The following HOXD11 variants were observed in gnomAD, a reference collection of about 807,000 sequenced individuals.
HOXD11 encodes the protein homeobox protein Hox-D11.
Under a neutral mutation model 23.1 loss-of-function variants are expected in HOXD11, and 16 were observed. That is an observed-to-expected ratio of 0.69 (90% confidence interval 0.47 to 1.05). The LOEUF (loss-of-function observed/expected upper bound fraction) is 1.05, where lower values mean the gene tolerates loss of function less well. Ranked by LOEUF, HOXD11 falls within the 50% of genes least tolerant of loss-of-function variation. The pLI is 0.00. For missense variants in HOXD11, 564 were observed against 495.6 expected, an observed-to-expected ratio of 1.14 and a Z score of -1.31; for synonymous variants, 262 against 224.4, an observed-to-expected ratio of 1.17 and a Z score of -1.50.
downstream of HOXD11, among the ~76,000 whole-genome samples, chr2:176,110,509 C>A (rs537027798): frequency 3.9e-5 from 6 of 152,258 alleles, no homozygotes; most frequent in African/African-American, 1.2e-4. Flanking sequence ...ATGCACAGTA[C>A]CCCATGCATC....
rs762165997 is a variant in HOXD11 at position 176,107,530 on chromosome 2, C to T, written c.175C>T (p.Arg59Cys). The change falls in exon 1 of 2, where the codon CGC (arginine) becomes TGC (cysteine). Residue 59 changes from arginine (R) to cysteine (C), a missense_variant. Physicochemically the swap from Arg to Cys is radical, Grantham distance 180. Transcript: ENST00000249504. ...CCTGGCTCCGCACGTCCAGCCCGTG[C>T]GCGAAGTGGCCTTCCGCGACTACGG... Reference protein sequence around the residue: ...SNLAPHVQPVREVAFRDYGLE... With the variant: ...SNLAPHVQPVCEVAFRDYGLE... 1 of 1,613,074 alleles carries T rather than the reference C, an allele frequency of 6.2e-7. No individual in the cohort carries two copies. Among genetic ancestry groups the T allele is most frequent in the Non-Finnish European group, 8.5e-7 (1 of 1,179,630 alleles).
rs910778980 is a variant in HOXD11, at chr2:176,107,637, C to G, written c.282C>G (p.Gly94=). 2 of 976,536 alleles carry G rather than the reference C, an allele frequency of 2.0e-6. No homozygotes were observed. The highest frequency in any genetic ancestry group is 2.4e-6 in the Non-Finnish European group (2 of 823,600). 60.5% of individuals were successfully genotyped at this position (976,536 alleles called of 1,614,324 possible). Residue 94 remains glycine (G), a synonymous_variant, in exon 1 of 2, where the codon GGC becomes GGG. Coordinates refer to ENST00000249504, the MANE Select transcript of HOXD11 (RefSeq NM_021192.3). ...GCGGCAGCAGCGGGGGCGGCCCCGGCGGGGGCGGCGGCGGCGCGGGGGGCT... is the reference window on the plus strand; with the variant it reads ...GCGGCAGCAGCGGGGGCGGCCCCGGGGGGGGCGGCGGCGGCGCGGGGGGCT... ...AGGGSSGGGP[G]GGGGGAGGYA...
Position 176,109,522 on chromosome 2 carries a change from T to G in HOXD11, c.*380T>G. 1 of 270,706 alleles carries G rather than the reference T, an allele frequency of 3.7e-6. No homozygotes were observed. Among genetic ancestry groups the G allele is most frequent in the Non-Finnish European group, 7.1e-6 (1 of 141,688 alleles). The allele number at this position is 270,706 out of a possible 1,614,324, so 16.8% of individuals were successfully genotyped here. A position where few individuals can be genotyped will look rare whatever the true frequency, so the allele number is the denominator to read the frequency against. ...TTGCTCTGAGTTTTAAGAGATCCCT[T>G]CCTTCCTCTTCGGTGAATGCAGGTT... On this transcript the variant is annotated 3_prime_UTR_variant, in exon 2 of 2. Coordinates refer to ENST00000249504, the MANE Select transcript of HOXD11 (RefSeq NM_021192.3).
intron 1 of HOXD11, 71 bp from the exon 2 acceptor site, chr2:176,108,836 C>A: frequency 9.3e-7 from 1 of 1,080,780 alleles, no homozygotes; most frequent in Non-Finnish European, 1.3e-6. Context: ...CGCTCAGTGG[C>A]CCGGGCGGGC....
downstream of HOXD11, among the ~76,000 whole-genome samples, chr2:176,114,377 A>C (rs1574951613): frequency 6.6e-6 from 1 of 152,084 alleles, no homozygotes; most frequent in Non-Finnish European, 1.5e-5. Context: ...AAGCTCGAAA[A>C]CAGCCACCCC....
rs1689596334 is a variant in HOXD11 at position 176,107,531 on chromosome 2, G to T, written c.176G>T (p.Arg59Leu). ...SNLAPHVQPV[R>L]EVAFRDYGLE... Reference sequence around the variant, plus strand: ...CTGGCTCCGCACGTCCAGCCCGTGCGCGAAGTGGCCTTCCGCGACTACGGC... The same window carrying T: ...CTGGCTCCGCACGTCCAGCCCGTGCTCGAAGTGGCCTTCCGCGACTACGGC... Residue 59 changes from arginine to leucine, a missense_variant, in exon 1 of 2, where the codon CGC (arginine) becomes CTC (leucine). Arg to Leu is a moderately radical substitution (Grantham distance 102, BLOSUM62 -2). Transcript: ENST00000249504. 2 of 1,613,068 alleles carry T rather than the reference G, an allele frequency of 1.2e-6. No individual in the cohort carries two copies. The highest frequency in any genetic ancestry group is 8.5e-7 in the Non-Finnish European group (1 of 1,179,638).
At chr2:176,110,481 C>T (rs893715028), downstream of HOXD11, among the ~76,000 whole-genome samples, 8 of 152,112 alleles carry the variant, frequency 5.3e-5, no homozygotes, top group African/African-American at 1.7e-4. Context: ...AGCCCAAAGA[C>T]AAAATATAAA....
At chr2:176,114,532 G>A (rs376136042), downstream of HOXD11, among the ~76,000 whole-genome samples, 10 of 152,142 alleles carry the variant, frequency 6.6e-5, no homozygotes, top group East Asian at 1.2e-3. Flanking sequence ...TGCCACCGCG[G>A]AGTTTTTTAA....
chr2:176,112,407 T>C (rs1373705375), downstream of HOXD11, among the ~76,000 whole-genome samples: 1 of 152,130 alleles, frequency 6.6e-6, no homozygotes, highest in African/African-American at 2.4e-5. Context: ...CTCCCCGAAG[T>C]TCATTGTGAA....
rs1198392158 is a variant in HOXD11 at position 176,107,942 on chromosome 2, C to T, written c.587C>T (p.Pro196Leu). Reference sequence around the variant, plus strand: ...CCCCCGTTCGCCGGGCCGCAGCCCCCGCCGCCACCCGCGCCGCCACAGCCC... The same window carrying T: ...CCCCCGTTCGCCGGGCCGCAGCCCCTGCCGCCACCCGCGCCGCCACAGCCC... ...PGPPFAGPQP[P>L]PPPAPPQPEG... Residue 196 changes from proline (P) to leucine (L), a missense_variant, in exon 1 of 2, where the codon CCG becomes CTG. Coordinates refer to ENST00000249504, the MANE Select transcript of HOXD11 (RefSeq NM_021192.3). The T allele has an allele frequency of 7.1e-7, 1 of 1,404,382 alleles. No individual in the cohort carries two copies. Among genetic ancestry groups the T allele is most frequent in the Non-Finnish European group, 9.2e-7 (1 of 1,082,482 alleles). The allele number at this position is 1,404,382 out of a possible 1,614,324, so 87.0% of individuals were successfully genotyped here.
Position 176,107,807 on chromosome 2 carries a change from C to A in HOXD11, c.452C>A (p.Pro151Gln). The part of the protein sequence containing the change: ...FKAPEPVCAA[P>Q]GPPHGPAGAA... ...GCGCCTGAGCCGGTGTGCGCTGCGC[C>A]GGGGCCGCCGCACGGCCCCGCGGGC... Residue 151 changes from proline (P) to glutamine (Q), a missense_variant, in exon 1 of 2, where the codon CCG becomes CAG. By Grantham distance (76) the Pro-to-Gln change is moderately conservative. Transcript: ENST00000249504. The A allele has an allele frequency of 7.2e-7, 1 of 1,394,668 alleles. No homozygotes were observed. Among genetic ancestry groups the A allele is most frequent in the South Asian group, 1.5e-5 (1 of 67,424 alleles). 86.4% of individuals were successfully genotyped at this position (1,394,668 alleles called of 1,614,324 possible).
downstream of HOXD11, among the ~76,000 whole-genome samples, chr2:176,111,826 C>CCAAAAAAAAAAAAAAAAAAA (rs1689676380): frequency 4.4e-5 from 1 of 22,740 alleles, no homozygotes; most frequent in Non-Finnish European, 7.5e-5. Context: ...CTCCCCCCCG[C>CCAAAAAAAAAAAAAAAAAAA]AAAAAAAAAA....
chr2:176,107,970 G>A lies in HOXD11; in HGVS notation c.615G>A (p.Glu205=), dbSNP rs1211869754. The A allele has an allele frequency of 2.8e-6, 4 of 1,428,838 alleles. No individual in the cohort carries two copies. The highest frequency in any genetic ancestry group is 3.7e-6 in the Non-Finnish European group (4 of 1,095,804). 88.5% of individuals were successfully genotyped at this position (1,428,838 alleles called of 1,614,324 possible). A position where few individuals can be genotyped will look rare whatever the true frequency, so the allele number is the denominator to read the frequency against. ...CGCCACCCGCGCCGCCACAGCCCGA[G>A]GGCGCAGCCGACAAGGGCGACCCCA... is the stretch of plus-strand genomic sequence containing the variant. ...PPPPPAPPQP[E]GAADKGDPRT... is the part of the protein sequence containing the mutation. Residue 205 remains glutamate (E), a synonymous_variant, in exon 1 of 2, where the codon GAG becomes GAA. Transcript: ENST00000249504.
downstream of HOXD11, among the ~76,000 whole-genome samples, chr2:176,112,009 G>A (rs915810773): frequency 3.3e-5 from 5 of 152,116 alleles, no homozygotes; most frequent in Non-Finnish European, 7.4e-5. Flanking sequence ...GGCCGTGCCT[G>A]GAGTGCGCGG....
Position 176,107,916 on chromosome 2 carries a change from G to A in HOXD11, c.561G>A (p.Gly187=), listed in dbSNP as rs1559113751. ...GFDQFYEAAP[G]PPFAGPQPPP... ...ACCAGTTCTACGAGGCAGCGCCCGGGCCCCCGTTCGCCGGGCCGCAGCCCC... is the reference window on the plus strand; with the variant it reads ...ACCAGTTCTACGAGGCAGCGCCCGGACCCCCGTTCGCCGGGCCGCAGCCCC... Residue 187 remains glycine (G), a synonymous_variant, in exon 1 of 2, where the codon GGG becomes GGA. Transcript: ENST00000249504. The A allele has an allele frequency of 7.0e-6, 10 of 1,426,626 alleles. No homozygotes were observed. In the Admixed American group the frequency reaches 2.0e-4, roughly 28 times the overall value. 88.4% of individuals were successfully genotyped at this position (1,426,626 alleles called of 1,614,324 possible).
At chr2:176,113,769 A>G (rs572324894), downstream of HOXD11, among the ~76,000 whole-genome samples, 30 of 152,246 alleles carry the variant, frequency 2.0e-4, no homozygotes, top group South Asian at 4.1e-4. Flanking sequence ...TTGTGAGAAC[A>G]GATTCAAAAT....
chr2:176,111,671 TG>T (rs920234977), downstream of HOXD11, among the ~76,000 whole-genome samples: 1 of 151,296 alleles, frequency 6.6e-6, no homozygotes. Context: ...CCAGATGGTG[TG>T]GAGCAGAGTT....
Position 176,109,101 on chromosome 2 carries a change from A to G in HOXD11, c.976A>G (p.Arg326Gly), listed in dbSNP as rs780319082. 3.7e-6 allele frequency: 6 copies of G among 1,614,118 alleles called. No individual in the cohort carries two copies. The South Asian group carries it at 5.5e-5, about 15-fold the overall frequency. Reference protein sequence around the residue: ...NRRMKEKKLNRDRLQYFTGNP... With the variant: ...NRRMKEKKLNGDRLQYFTGNP... ...CAGGATGAAAGAAAAGAAACTGAAC[A>G]GAGACCGTCTGCAGTATTTCACTGG... Residue 326 changes from arginine (R) to glycine (G), a missense_variant, in exon 2 of 2, where the codon AGA becomes GGA. Coordinates refer to ENST00000249504, the MANE Select transcript of HOXD11 (RefSeq NM_021192.3).
At chr2:176,111,826 C>CAAAAAAAAAAAAAAAAAAAAAA (rs1176283938), downstream of HOXD11, among the ~76,000 whole-genome samples, 20 of 22,744 alleles carry the variant, frequency 8.8e-4, 3 homozygotes, top group Admixed American at 2.1e-3. Context: ...CTCCCCCCCG[C>CAAAAAAAAAAAAAAAAAAAAAA]AAAAAAAAAA....
Sources: gnomAD v4.1 joint callset for allele counts (sites outside exome capture counted in the v4.1 genomes callset) on GRCh38, gnomAD v4.1.1 for gene constraint, MANE v1.5 for transcripts, NCBI Gene and HGNC (gene_info 2026-07-23, HGNC 2026-07-21) for gene names.